The following SLC28A3 variants were observed in gnomAD, a reference collection of about 807,000 sequenced individuals.
SLC28A3 encodes solute carrier family 28 member 3.
A neutral mutation model predicts 84.2 loss-of-function variants in SLC28A3; 68 were observed. That is an observed-to-expected ratio of 0.81 (90% CI 0.66 to 0.99). The LOEUF (loss-of-function observed/expected upper bound fraction) is 0.99, where lower values mean the gene tolerates loss of function less well. Ranked by LOEUF, SLC28A3 falls within the 50% of genes least tolerant of loss-of-function variation. The pLI is 0.00. For missense variants in SLC28A3, 712 were observed against 841.5 expected (o/e 0.85, Z 1.90); for synonymous variants, 267 against 303.6 (o/e 0.88, Z 1.25).
intron 1 of SLC28A3, among the ~76,000 whole-genome samples, chr9:84,334,011 T>C (rs187662280): frequency 3.9e-5 from 6 of 152,346 alleles, no homozygotes; most frequent in East Asian, 1.9e-4. Context: ...ATGTGAATCT[T>C]AGAGAGCTGA....
rs746416506 is a variant in SLC28A3, at chr9:84,285,992, G to T, written c.1400C>A (p.Ala467Asp). 1 of 1,614,024 alleles carries T rather than the reference G, an allele frequency of 6.2e-7. No homozygotes were observed. The highest frequency in any genetic ancestry group is 1.1e-5 in the South Asian group (1 of 91,040). ...AAACATGTTTCCAAACCAGGACAGG[G>T]CTGAATTCATAAAAGACAGCAGGGC... Reference protein sequence around the residue: ...FLALLSFMNSALSWFGNMFDY... With the variant: ...FLALLSFMNSDLSWFGNMFDY... Residue 467 changes from alanine (A) to aspartate (D), a missense_variant, in exon 13 of 18, where the codon GCC becomes GAC. Transcript: ENST00000376238.
chr9:84,277,977 C>A lies in SLC28A3; in HGVS notation c.*241G>T, dbSNP rs1824583650. 2 of 478,732 alleles carry A rather than the reference C, an allele frequency of 4.2e-6. No individual in the cohort carries two copies. Among genetic ancestry groups the A allele is most frequent in the Non-Finnish European group, 7.4e-6 (2 of 271,118 alleles). 29.7% of individuals were successfully genotyped at this position (478,732 alleles called of 1,614,324 possible). On this transcript the variant is annotated 3_prime_UTR_variant, in exon 18 of 18. Transcript: ENST00000376238. ...AAAATCCCATTGAGACTGGAATCAA[C>A]AACACCTCACTTTGGGACATCATAG...
chr9:84,307,212 A>C lies in SLC28A3; in HGVS notation c.243-1867T>G, dbSNP rs368586073. On this transcript the variant is annotated intron_variant, in intron 3 of 17. Coordinates refer to ENST00000376238, the MANE Select transcript of SLC28A3 (RefSeq NM_001199633.2). ...TTGGGAGGCCAAGGCGGGTGGATCA[A>C]CTGAGGTCAGGAATTTGAGGCCAGC... 9.3e-4 allele frequency among the ~76,000 whole-genome samples: 141 copies of C among 151,386 alleles called. 1 individual carries two copies. The highest frequency in any genetic ancestry group is 3.3e-3 in the African/African-American group (135 of 41,364).
rs1046622827 is a variant in SLC28A3, at chr9:84,340,755, G to A, written c.-122C>T. The A allele has an allele frequency of 8.8e-6, 9 of 1,018,510 alleles. No homozygotes were observed. The African/African-American group carries it at 1.3e-4, about 15-fold the overall frequency. The allele number at this position is 1,018,510 out of a possible 1,614,324, so 63.1% of individuals were successfully genotyped here. The stretch of plus-strand genomic sequence containing the variant: ...AGGGACCTGGGCACAGCTTGCTTCA[G>A]TTTGGAAACTTCTGCAATAATCTCC... On this transcript the variant is annotated 5_prime_UTR_variant, in exon 1 of 18. Transcript: ENST00000376238.
intron 9 of SLC28A3, 92 bp downstream of exon 9, chr9:84,294,103 C>T (rs1825329925): frequency 8.7e-7 from 1 of 1,152,672 alleles, no homozygotes; most frequent in African/African-American, 1.5e-5. Context: ...GAGAAAGGCA[C>T]TTCGTAAATA....
intron 1 of SLC28A3, among the ~76,000 whole-genome samples, chr9:84,319,147 A>G (rs567570053): frequency 1.1e-4 from 17 of 152,290 alleles, no homozygotes; most frequent in African/African-American, 1.4e-4. Context: ...AAGTAGGCCA[A>G]TTTCCTACTT....
chr9:84,286,125 T>C lies in SLC28A3; in HGVS notation c.1281-14A>G, dbSNP rs748418637. The C allele has an allele frequency of 4.3e-6, 7 of 1,611,708 alleles. No homozygotes were observed. The Admixed American group carries it at 1.2e-4, about 27-fold the overall frequency. ...TTCCCTGAATCACTTTATCAAGAAA[T>C]AGCAATTCCAGAATTACCAAGGAGT... On this transcript the variant is annotated splice_polypyrimidine_tract_variant and intron_variant, in intron 12 of 17. Transcript: ENST00000376238.
chr9:84,341,645 C>T (rs1173047324), upstream of SLC28A3, among the ~76,000 whole-genome samples: 4 of 152,164 alleles, frequency 2.6e-5, no homozygotes, highest in East Asian at 7.7e-4. Flanking sequence ...AAAAATCCAG[C>T]TTACAGAAAT....
intron 14 of SLC28A3, among the ~76,000 whole-genome samples, chr9:84,281,729 G>A (rs2118051897): frequency 6.6e-6 from 1 of 152,334 alleles, no homozygotes; most frequent in African/African-American, 2.4e-5. Flanking sequence ...TCATTCAGTA[G>A]GCAAATGGAT....
chr9:84,278,236 C>A lies in SLC28A3; in HGVS notation c.2058G>T (p.Gly686=). The change falls in exon 18 of 18, where the codon GGG becomes GGT. Residue 686 remains glycine (G), a synonymous_variant. Coordinates refer to ENST00000376238, the MANE Select transcript of SLC28A3 (RefSeq NM_001199633.2). ...LLNPSTFNCN[G]ISNTF is the part of the protein sequence containing the mutation. Reference sequence around the variant, plus strand: ...GCTGACCTCAAAATGTATTAGAGATCCCATTGCAGTTAAAGGTCGATGGAT... The same window carrying A: ...GCTGACCTCAAAATGTATTAGAGATACCATTGCAGTTAAAGGTCGATGGAT... The A allele has an allele frequency of 6.2e-7, 1 of 1,613,892 alleles. No homozygotes were observed. Among genetic ancestry groups the A allele is most frequent in the Non-Finnish European group, 8.5e-7 (1 of 1,179,922 alleles).
intron 14 of SLC28A3, among the ~76,000 whole-genome samples, chr9:84,284,373 C>T (rs1033272708): frequency 1.3e-5 from 2 of 152,142 alleles, no homozygotes; most frequent in Non-Finnish European, 2.9e-5. Flanking sequence ...TAAATCAGTG[C>T]TCCCCAGGAG....
chr9:84,306,674 T>C (rs1825801421), intron 3 of SLC28A3, among the ~76,000 whole-genome samples: 3 of 152,068 alleles, frequency 2.0e-5, no homozygotes, highest in South Asian at 4.1e-4. Flanking sequence ...CCAGAGACCC[T>C]GGAGAACAGA....
At chr9:84,364,688 C>T in the SLC28A3 span, among the ~76,000 whole-genome samples, 2 of 152,104 alleles carry the variant, frequency 1.3e-5, no homozygotes, top group East Asian at 1.9e-4. Context: ...TCCCCAGCCT[C>T]TGGTCACCAT....
At chr9:84,281,989 A>T (rs973404641) in intron 14 of SLC28A3, among the ~76,000 whole-genome samples, 1 of 151,512 alleles carries the variant, frequency 6.6e-6, no homozygotes, top group Non-Finnish European at 1.5e-5. Flanking sequence ...AAACAAAAAA[A>T]ACATTAGCCA....
rs184781353 is a variant in SLC28A3 at position 84,336,578 on chromosome 9, A to G, written c.60+3996T>C. Among the ~76,000 whole-genome samples, 164 of 152,272 alleles carry G rather than the reference A, an allele frequency of 1.1e-3. 1 individual carries two copies. Among genetic ancestry groups the G allele is most frequent in the African/African-American group, 3.8e-3 (158 of 41,560 alleles). ...GTAGTCCTAGCTACTCAGGAGGCTG[A>G]GGTGGGAGGATTGCTTGAGCCTGGG... On this transcript the variant is annotated intron_variant, in intron 1 of 17. Coordinates refer to ENST00000376238, the MANE Select transcript of SLC28A3 (RefSeq NM_001199633.2).
chr9:84,305,935 G>A (rs1028981894), intron 3 of SLC28A3, among the ~76,000 whole-genome samples: 2 of 152,162 alleles, frequency 1.3e-5, no homozygotes, highest in African/African-American at 4.8e-5. Flanking sequence ...AAGCTCTGGA[G>A]TTGTTGGAAT....
Position 84,313,469 on chromosome 9 carries a change from C to T in SLC28A3, c.61-15G>A. ...TTTTCTTCATTCTAAGAAAAAAGTG[C>T]AGATTGAAAAAATAAAAAGTTACAG... On this transcript the variant is annotated splice_polypyrimidine_tract_variant and intron_variant, in intron 1 of 17. Coordinates refer to ENST00000376238, the MANE Select transcript of SLC28A3 (RefSeq NM_001199633.2). The T allele has an allele frequency of 6.2e-7, 1 of 1,604,994 alleles. No homozygotes were observed.
rs910723033 is a variant in SLC28A3 at position 84,275,761 on chromosome 9, C to G, written c.*2457G>C. On this transcript the variant is annotated 3_prime_UTR_variant, in exon 18 of 18. Coordinates refer to ENST00000376238, the MANE Select transcript of SLC28A3 (RefSeq NM_001199633.2). Reference sequence around the variant, plus strand: ...CCAGCTCATTTTCCTGGTCCTTGGCCTTTACTATCCTCTTATAATATAGCT... The same window carrying G: ...CCAGCTCATTTTCCTGGTCCTTGGCGTTTACTATCCTCTTATAATATAGCT... The G allele has an allele frequency of 6.6e-6, 1 of 152,152 alleles. No homozygotes were observed. The highest frequency in any genetic ancestry group is 2.4e-5 in the African/African-American group (1 of 41,440). 9.4% of individuals were successfully genotyped at this position (152,152 alleles called of 1,614,324 possible).
intron 4 of SLC28A3, 149 bp downstream of exon 4, chr9:84,305,105 A>T: frequency 1.5e-6 from 1 of 687,762 alleles, no homozygotes; most frequent in South Asian, 2.0e-5. Context: ...GGGCTTCTTG[A>T]TTTACTTCTC....
Sources: gnomAD v4.1 joint callset for allele counts (sites outside exome capture counted in the v4.1 genomes callset) on GRCh38, gnomAD v4.1.1 for gene constraint, MANE v1.5 for transcripts, NCBI Gene and HGNC (gene_info 2026-07-23, HGNC 2026-07-21) for gene names.